PDGFD: variants seen among roughly 807,000 people sequenced by gnomAD.
PDGFD encodes the protein platelet-derived growth factor D.
In PDGFD, 30 loss-of-function variants were observed where a neutral mutation model predicts 44.7. That is an observed-to-expected ratio of 0.67 (90% confidence interval 0.50 to 0.91). The LOEUF is 0.91. Among genes scored for constraint, PDGFD ranks in the 40% least tolerant of loss-of-function variants. The probability of loss-of-function intolerance (pLI) is 0.00; values close to 1 mark genes in which losing one functional copy is unlikely to be tolerated. For missense variants in PDGFD, 445 were observed against 457.8 expected, an observed-to-expected ratio of 0.97 and a Z score of 0.25; for synonymous variants, 173 against 168.4, an observed-to-expected ratio of 1.03 and a Z score of -0.21.
Position 103,934,627 on chromosome 11 carries a change from C to G in PDGFD, c.773-7501G>C, listed in dbSNP as rs555773459. 2.0e-5 allele frequency among the ~76,000 whole-genome samples: 3 copies of G among 152,300 alleles called. 1 individual carries two copies. In the East Asian group the frequency reaches 5.8e-4, roughly 29 times the overall value. On this transcript the variant is annotated intron_variant, in intron 5 of 6. Coordinates refer to ENST00000393158, the MANE Select transcript of PDGFD (RefSeq NM_025208.5). ...ATCATGGCAGAAGGCGAAGGAGAAG[C>G]AAAGGCACGTCTTACATGGTGGCAG...
chr11:103,967,001 G>GGCTTCATT (rs1859030437), intron 3 of PDGFD, among the ~76,000 whole-genome samples: 1 of 152,070 alleles, frequency 6.6e-6, no homozygotes. Context: ...CCTCTCTTCT[G>GGCTTCATT]GCTTCATTCA....
At chr11:104,000,419 T>C (rs1371607897) in intron 1 of PDGFD, among the ~76,000 whole-genome samples, 164 bp from the exon 2 acceptor site, 1 of 152,238 alleles carries the variant, frequency 6.6e-6, no homozygotes, top group Non-Finnish European at 1.5e-5. Context: ...CTCACACTGA[T>C]GGCGTAGCAA....
At chr11:103,993,083 G>T (rs1029466643) in intron 3 of PDGFD, among the ~76,000 whole-genome samples, 11 of 149,056 alleles carry the variant, frequency 7.4e-5, no homozygotes, top group African/African-American at 2.7e-4. Flanking sequence ...TTGTTTGTTT[G>T]TTTTTAGACA....
intron 1 of PDGFD, among the ~76,000 whole-genome samples, chr11:104,063,257 T>G (rs1860739558): frequency 6.6e-6 from 1 of 151,976 alleles, no homozygotes; most frequent in South Asian, 2.1e-4. Context: ...AGGAAATCTC[T>G]ATAAGAGTCC....
In PDGFD at chr11:103,908,877, A is replaced by C. The variant is rs75620738; in HGVS notation, c.*817T>G. 6.6e-6 allele frequency: 1 copy of C among 152,178 alleles called. No individual in the cohort carries two copies. The highest frequency in any genetic ancestry group is 1.5e-5 in the Non-Finnish European group (1 of 68,010). 9.4% of individuals were successfully genotyped at this position (152,178 alleles called of 1,614,324 possible). ...TTGTGGAGGGGTTTTGCAAAGAAAA[A>C]CAATTCAAAATTCTGTTACAGCTTA... On this transcript the variant is annotated 3_prime_UTR_variant, in exon 7 of 7. Coordinates refer to ENST00000393158, the MANE Select transcript of PDGFD (RefSeq NM_025208.5).
At chr11:104,096,574 AG>A (rs1861291804) in intron 1 of PDGFD, among the ~76,000 whole-genome samples, 3 of 152,194 alleles carry the variant, frequency 2.0e-5, no homozygotes, top group Non-Finnish European at 1.5e-5. Context: ...GATGCACAGA[AG>A]ATTTACAGGT....
At chr11:104,162,847 C>T (rs559044068) in intron 1 of PDGFD, among the ~76,000 whole-genome samples, 2 of 152,010 alleles carry the variant, frequency 1.3e-5, no homozygotes, top group African/African-American at 2.4e-5. Flanking sequence ...TTTAAGCAAG[C>T]AGGAGAGAAA....
chr11:104,159,085 G>A (rs868199690), intron 1 of PDGFD, among the ~76,000 whole-genome samples: 43 of 149,900 alleles, frequency 2.9e-4, no homozygotes, highest in African/African-American at 9.6e-4. Flanking sequence ...CCTGGGAGGC[G>A]GAGGTTGCAG....
At chr11:104,113,782 T>C (rs965834992) in intron 1 of PDGFD, among the ~76,000 whole-genome samples, 1 of 152,094 alleles carries the variant, frequency 6.6e-6, no homozygotes, top group Non-Finnish European at 1.5e-5. Context: ...CAGCATTTGG[T>C]GTTATCACTG....
At chr11:104,084,867 T>C (rs1861106503) in intron 1 of PDGFD, among the ~76,000 whole-genome samples, 1 of 129,326 alleles carries the variant, frequency 7.7e-6, no homozygotes, top group East Asian at 2.0e-4. Context: ...ATATAATATA[T>C]AAAAATATAT....
At chr11:104,013,870 A>T (rs1290729707) in intron 1 of PDGFD, among the ~76,000 whole-genome samples, 1 of 151,892 alleles carries the variant, frequency 6.6e-6, no homozygotes, top group Non-Finnish European at 1.5e-5. Flanking sequence ...TAAAGATTTG[A>T]TGACTACAGA....
chr11:104,153,282 A>G (rs1862268000), intron 1 of PDGFD, among the ~76,000 whole-genome samples: 1 of 152,220 alleles, frequency 6.6e-6, no homozygotes, highest in South Asian at 2.1e-4. Context: ...CTGTCATTAA[A>G]AAGGACACTC....
intron 6 of PDGFD, among the ~76,000 whole-genome samples, chr11:103,910,752 C>T (rs565864274): frequency 1.4e-5 from 1 of 69,136 alleles, no homozygotes; most frequent in African/African-American, 5.6e-5. Context: ...CAAGACAGAA[C>T]CATTCACTCC....
rs545933046 is a variant in PDGFD, at chr11:104,147,258, A to G, written c.124+16546T>C. 6.5e-4 allele frequency among the ~76,000 whole-genome samples: 99 copies of G among 152,266 alleles called. 3 individuals are homozygous for G. In the South Asian group the frequency reaches 0.019, roughly 29 times the overall value. ...CATAAGATATCAAAATGGACAACTT[A>G]GGTCGAGTTCTCCACAAATAGAAGA... On this transcript the variant is annotated intron_variant, in intron 1 of 6. Transcript: ENST00000393158.
rs536224660 is a variant in PDGFD, at chr11:103,958,236, C to T, written c.511-10512G>A. On this transcript the variant is annotated intron_variant, in intron 3 of 6. Transcript: ENST00000393158. ...AAGCCCTATTATTAAGGAAGTGCCA[C>T]AGATACCTGAAACCGTGGCTGAGTC... Among the ~76,000 whole-genome samples, 9 of 152,288 alleles carry T rather than the reference C, an allele frequency of 5.9e-5. No homozygotes were observed. In the East Asian group the frequency reaches 1.7e-3, roughly 29 times the overall value.
In PDGFD at chr11:104,006,193, T is replaced by C. The variant is rs75697716; in HGVS notation, c.125-5938A>G. On this transcript the variant is annotated intron_variant, in intron 1 of 6. Transcript: ENST00000393158. The stretch of plus-strand genomic sequence containing the variant: ...TCATTATTAACATCACCTAGGAGTC[T>C]GTTAGGAATGTAAATTCTCAGGTCC... Among the ~76,000 whole-genome samples the C allele has an allele frequency of 0.024, 3,680 of 152,208 alleles. 201 individuals carry two copies. The East Asian group carries it at 0.26, about 11-fold the overall frequency.
intron 1 of PDGFD, among the ~76,000 whole-genome samples, chr11:104,035,561 C>CTTTTTT (rs3050598): frequency 1.8e-3 from 210 of 115,074 alleles, no homozygotes; most frequent in Non-Finnish European, 2.2e-3. Context: ...ACTTCTTTTT[C>CTTTTTT]TTTTTTTTTT....
chr11:104,069,762 A>T (rs1860845963), intron 1 of PDGFD, among the ~76,000 whole-genome samples: 2 of 152,218 alleles, frequency 1.3e-5, no homozygotes, highest in Admixed American at 1.3e-4. Flanking sequence ...CAGGAGGCTG[A>T]GGCAGGAGAA....
At chr11:103,915,928 T>A (rs541374662) in intron 6 of PDGFD, among the ~76,000 whole-genome samples, 1 of 152,172 alleles carries the variant, frequency 6.6e-6, no homozygotes, top group African/African-American at 2.4e-5. Context: ...TTACACCTTA[T>A]ACAAAAGTTA....
Sources: allele counts gnomAD v4.1 joint callset (sites outside exome capture counted in the v4.1 genomes callset), GRCh38; gene constraint gnomAD v4.1.1; transcripts MANE v1.5; gene names NCBI Gene and HGNC (gene_info 2026-07-23, HGNC 2026-07-21).